Variants in DMBT1 observed in about 807,000 individuals in gnomAD.
DMBT1 encodes deleted in malignant brain tumors 1.
Under a neutral mutation model 252.9 loss-of-function variants are expected in DMBT1, and 198 were observed. That is an observed-to-expected ratio of 0.78 (90% CI 0.70 to 0.88). The LOEUF is 0.88. Ranked by LOEUF, DMBT1 falls within the 40% of genes least tolerant of loss-of-function variation. The pLI, the probability that DMBT1 is intolerant of heterozygous loss-of-function variation, is 0.00. For missense variants in DMBT1, 2,432 were observed against 2,404.7 expected (o/e 1.01, Z -0.24); for synonymous variants, 990 against 942.7 (o/e 1.05, Z -0.92).
intron 2 of DMBT1, among the ~76,000 whole-genome samples, chr10:122,566,577 T>C (rs751254318): frequency 4.6e-5 from 7 of 152,182 alleles, no homozygotes; most frequent in Non-Finnish European, 8.8e-5. Flanking sequence ...CCCAAAGTGC[T>C]GGGGTTACAG....
At chr10:122,623,148 T>A (rs1209895485) in intron 44 of DMBT1, among the ~76,000 whole-genome samples, 2 of 152,240 alleles carry the variant, frequency 1.3e-5, no homozygotes, top group East Asian at 3.8e-4. Flanking sequence ...TCACTTTCTA[T>A]GAATGGAATC....
intron 40 of DMBT1, 26 bp downstream of exon 40, chr10:122,617,286 A>C (rs915552903): frequency 1.9e-6 from 3 of 1,605,568 alleles, no homozygotes; most frequent in Non-Finnish European, 2.6e-6. Context: ...ACCCCTCCCT[A>C]GGGCTCACTA....
chr10:122,566,606 G>A (rs1334932941), intron 2 of DMBT1, among the ~76,000 whole-genome samples: 2 of 152,082 alleles, frequency 1.3e-5, no homozygotes, highest in African/African-American at 4.8e-5. Context: ...CACTGCGCCC[G>A]GCCTACCTTT....
rs878929192 is a variant in DMBT1, at chr10:122,621,516, C to T, written c.5608+136C>T. On this transcript the variant is annotated intron_variant, in intron 44 of 55. Coordinates refer to ENST00000338354, the MANE Select transcript of DMBT1 (RefSeq NM_001377530.1). ...TTTTTGAAGACTTGTTAGCTCTCTG[C>T]TAAGAATCCATATGAATTCACTGCC... 5.8e-5 allele frequency: 84 copies of T among 1,446,388 alleles called. No homozygotes were observed. The South Asian group carries it at 9.8e-4, about 17-fold the overall frequency. 89.6% of individuals were successfully genotyped at this position (1,446,388 alleles called of 1,614,324 possible). A position where few individuals can be genotyped will look rare whatever the true frequency, so the allele number is the denominator to read the frequency against.
At chr10:122,589,901 T>C (rs1468719632) in intron 17 of DMBT1, among the ~76,000 whole-genome samples, 1 of 148,570 alleles carries the variant, frequency 6.7e-6, no homozygotes, top group African/African-American at 2.4e-5. Flanking sequence ...CTCACCTCTA[T>C]ACTTGGGGAT....
rs111584384 is a variant in DMBT1 at position 122,579,927 on chromosome 10, C to A, written c.1003+26C>A. The A allele has an allele frequency of 8.5e-5, 137 of 1,613,828 alleles. No individual in the cohort carries two copies. The African/African-American group carries it at 1.3e-3, about 16-fold the overall frequency. ...GTGGGCCTTCAAGAACTTGGGCTCA[C>A]TCTCTTGGGGTGGAGTTTGCTCCAA... is the stretch of plus-strand genomic sequence containing the variant. On this transcript the variant is annotated intron_variant, in intron 10 of 55. Transcript: ENST00000338354.
chr10:122,623,974 T>A (rs983679922), intron 44 of DMBT1, among the ~76,000 whole-genome samples: 2 of 152,236 alleles, frequency 1.3e-5, no homozygotes, highest in South Asian at 2.1e-4. Context: ...GCTCATGGTA[T>A]TCAGTAGGTC....
At chr10:122,565,234 GAAGCCA>G (rs892181320) in intron 1 of DMBT1, among the ~76,000 whole-genome samples, 2 of 152,142 alleles carry the variant, frequency 1.3e-5, no homozygotes, top group African/African-American at 4.8e-5. Context: ...AATAAAATCA[GAAGCCA>G]ATAATGAATC....
In DMBT1 at chr10:122,593,107, G is replaced by C. The variant is rs184290706; in HGVS notation, c.2501-462G>C. Among the ~76,000 whole-genome samples, 1,269 of 149,048 alleles carry C rather than the reference G, an allele frequency of 8.5e-3. 67 individuals carry two copies. The highest frequency in any genetic ancestry group is 0.029 in the African/African-American group (1,212 of 41,288). ...ATCAGGCCTGGGTTGTGTGAGGTTG[G>C]AGTCCTTGACCTCAGGTCCTCTCAG... On this transcript the variant is annotated intron_variant, in intron 20 of 55. Coordinates refer to ENST00000338354, the MANE Select transcript of DMBT1 (RefSeq NM_001377530.1).
intron 26 of DMBT1, among the ~76,000 whole-genome samples, chr10:122,599,372 G>C (rs1176224016): frequency 6.6e-6 from 1 of 152,132 alleles, no homozygotes; most frequent in Non-Finnish European, 1.5e-5. Context: ...GGCTCCCCAG[G>C]GCTCCATTTC....
intron 9 of DMBT1, 125 bp from the exon 10 acceptor site, chr10:122,579,453 A>G (rs1591258626): frequency 1.3e-6 from 2 of 1,556,990 alleles, no homozygotes; most frequent in Non-Finnish European, 8.7e-7. Flanking sequence ...GTCTGTGGTC[A>G]TATGCAAAGG....
At chr10:122,596,970 C>T in intron 23 of DMBT1, 55 bp from the exon 24 acceptor site, 1 of 452,716 alleles carries the variant, frequency 2.2e-6, no homozygotes, top group Non-Finnish European at 3.7e-6. Context: ...CACCTTTGTT[C>T]CGATTTTGCC....
intron 44 of DMBT1, among the ~76,000 whole-genome samples, chr10:122,623,208 T>G (rs1473110530): frequency 1.3e-5 from 2 of 152,244 alleles, no homozygotes; most frequent in Admixed American, 1.3e-4. Flanking sequence ...TTTTCAAGGT[T>G]CATTCATATT....
rs905736458 is a variant in DMBT1 at position 122,580,048 on chromosome 10, G to A, written c.1003+147G>A. On this transcript the variant is annotated intron_variant, in intron 10 of 55. Transcript: ENST00000338354. ...TCAGCTCTCTGCTAAGAATCCATAT[G>A]TACTCACTGCCTAGTGTTCCTGTGG... is the stretch of plus-strand genomic sequence containing the variant. The A allele has an allele frequency of 1.7e-5, 24 of 1,454,128 alleles. No individual in the cohort carries two copies. In the Admixed American group the frequency reaches 5.4e-4, roughly 32 times the overall value. The allele number at this position is 1,454,128 out of a possible 1,614,324, so 90.1% of individuals were successfully genotyped here.
chr10:122,639,972 A>G (rs1217636331), intron 54 of DMBT1, 68 bp from the exon 55 acceptor site: 13 of 1,541,850 alleles, frequency 8.4e-6, no homozygotes, highest in Non-Finnish European at 1.1e-5. Context: ...TTCACACCCA[A>G]ATCAGCTATG....
rs533474703 is a variant in DMBT1, at chr10:122,630,549, G to T, written c.6025+59G>T. The T allele has an allele frequency of 7.1e-6, 11 of 1,554,284 alleles. No individual in the cohort carries two copies. In the East Asian group the frequency reaches 2.5e-4, roughly 35 times the overall value. ...GGTGGATTTACCCAGCTGCCTCTTT[G>T]GGGGCACCATGGTTCCCCAAGGAAA... is the stretch of plus-strand genomic sequence containing the variant. On this transcript the variant is annotated intron_variant, in intron 48 of 55. Coordinates refer to ENST00000338354, the MANE Select transcript of DMBT1 (RefSeq NM_001377530.1).
In DMBT1 at chr10:122,589,521, G is replaced by A. The variant is rs565997209; in HGVS notation, c.2107+254G>A. 3.4e-5 allele frequency among the ~76,000 whole-genome samples: 5 copies of A among 148,358 alleles called. No individual in the cohort carries two copies. In the East Asian group the frequency reaches 1.0e-3, roughly 31 times the overall value. On this transcript the variant is annotated intron_variant, in intron 17 of 55. Transcript: ENST00000338354. ...CCTACCAAGGCAGCGCAAGCAGAGG[G>A]AGAAGAGGAAAGGGCTGGGTCTTTG...
chr10:122,578,667 CT>C, intron 8 of DMBT1, 50 bp from the exon 9 acceptor site: 8 of 1,530,920 alleles, frequency 5.2e-6, no homozygotes, highest in South Asian at 1.2e-5. Flanking sequence ...TGTTTTTTAC[CT>C]TTTTCCCTTC....
At chr10:122,588,183 C>G (rs2097808410) in intron 16 of DMBT1, among the ~76,000 whole-genome samples, 2 of 148,524 alleles carry the variant, frequency 1.3e-5, no homozygotes. Flanking sequence ...CTTCTCACCC[C>G]CACTAGGGCT....
Sources: allele counts gnomAD v4.1 joint callset (sites outside exome capture counted in the v4.1 genomes callset), GRCh38; gene constraint gnomAD v4.1.1; transcripts MANE v1.5; gene names NCBI Gene and HGNC (gene_info 2026-07-23, HGNC 2026-07-21).